The following POU6F2 variants were observed in gnomAD, a reference collection of about 807,000 sequenced individuals.
The protein encoded by POU6F2 is POU domain, class 6, transcription factor 2.
POU6F2 carries 31 observed loss-of-function variants against 71.3 expected under a neutral mutation model. The observed-to-expected ratio is 0.43, with a 90% CI of 0.33 to 0.59. The LOEUF is 0.59. Ranked by LOEUF, POU6F2 falls within the 20% of genes least tolerant of loss-of-function variation. The probability of loss-of-function intolerance (pLI) is 0.04; values close to 1 mark genes in which losing one functional copy is unlikely to be tolerated. For missense variants in POU6F2, 783 were observed against 856.8 expected (o/e 0.91, Z 1.07); for synonymous variants, 347 against 355.7 (o/e 0.98, Z 0.27).
At chr7:39,246,569 T>A (rs1783824687) in intron 4 of POU6F2, among the ~76,000 whole-genome samples, 1 of 152,140 alleles carries the variant, frequency 6.6e-6, no homozygotes, top group African/African-American at 2.4e-5. Context: ...GTGTGAGCCT[T>A]GACTCCTGTA....
At chr7:39,016,494 T>G (rs2128705616) in intron 1 of POU6F2, among the ~76,000 whole-genome samples, 1 of 151,742 alleles carries the variant, frequency 6.6e-6, no homozygotes, top group East Asian at 1.9e-4. Context: ...GATGGTAAAA[T>G]AAAAGCTGTA....
chr7:39,085,681 C>T, intron 1 of POU6F2, 179 bp from the exon 2 acceptor site: 1 of 622,218 alleles, frequency 1.6e-6, no homozygotes, highest in Non-Finnish European at 2.8e-6. Flanking sequence ...TGTAATAGCT[C>T]TTCACTTGAC....
intron 2 of POU6F2, among the ~76,000 whole-genome samples, chr7:39,104,721 G>T (rs1791641418): frequency 6.6e-6 from 1 of 152,214 alleles, no homozygotes; most frequent in Non-Finnish European, 1.5e-5. Context: ...CTCTACTTTT[G>T]ATAAGTGTCA....
chr7:39,015,908 T>TTATATATTGTATATAGA (rs1562670899), intron 1 of POU6F2, among the ~76,000 whole-genome samples: 1 of 46,226 alleles, frequency 2.2e-5, no homozygotes, highest in Non-Finnish European at 3.7e-5. Context: ...TAGATATATA[T>TTATATATTGTATATAGA]TATATATTAT....
In POU6F2 at chr7:39,228,423, C is replaced by T. The variant is rs10266285; in HGVS notation, c.598+20803C>T. Among the ~76,000 whole-genome samples the T allele has an allele frequency of 2.8e-3, 429 of 152,302 alleles. 1 individual carries two copies. Among genetic ancestry groups the T allele is most frequent in the African/African-American group, 9.7e-3 (402 of 41,554 alleles). ...GCCCTCCCACCAAAACGTCCTCTAACGTCAAAACCCAAGGCTGTAGCTGTG... is the reference window on the plus strand; with the variant it reads ...GCCCTCCCACCAAAACGTCCTCTAATGTCAAAACCCAAGGCTGTAGCTGTG... On this transcript the variant is annotated intron_variant, in intron 4 of 9. Coordinates refer to ENST00000518318, the MANE Select transcript of POU6F2 (RefSeq NM_001370959.1).
intron 1 of POU6F2, among the ~76,000 whole-genome samples, chr7:39,008,661 A>G (rs1789163170): frequency 6.6e-6 from 1 of 150,570 alleles, no homozygotes; most frequent in Non-Finnish European, 1.5e-5. Context: ...TTTAGGTCTA[A>G]CGTTTAAGTC....
At chr7:39,275,707 T>G (rs1283628339) in intron 4 of POU6F2, among the ~76,000 whole-genome samples, 4 of 152,162 alleles carry the variant, frequency 2.6e-5, no homozygotes, top group Admixed American at 6.5e-5. Context: ...AACAGACATA[T>G]AGATCAATGG....
chr7:39,187,472 C>T (rs1173990098), intron 2 of POU6F2, among the ~76,000 whole-genome samples: 1 of 152,218 alleles, frequency 6.6e-6, no homozygotes, highest in African/African-American at 2.4e-5. Flanking sequence ...TTACTGCCAT[C>T]AGAGGGTAGG....
chr7:39,164,002 G>A (rs779733565), intron 2 of POU6F2, among the ~76,000 whole-genome samples: 2 of 152,102 alleles, frequency 1.3e-5, no homozygotes, highest in African/African-American at 2.4e-5. Flanking sequence ...GGCAGGAGAA[G>A]TAAGTTCAAG....
At chr7:39,146,698 G>A (rs564746633) in intron 2 of POU6F2, among the ~76,000 whole-genome samples, 1 of 152,292 alleles carries the variant, frequency 6.6e-6, no homozygotes, top group Admixed American at 6.5e-5. Flanking sequence ...GGTTTCTTCA[G>A]TGAAGGTGAT....
chr7:39,038,991 C>T (rs753081733), intron 1 of POU6F2, among the ~76,000 whole-genome samples: 59 of 151,494 alleles, frequency 3.9e-4, no homozygotes, highest in Non-Finnish European at 7.8e-4. Flanking sequence ...CTCTTAGTTC[C>T]CAGGGAATAG....
In POU6F2 at chr7:39,430,048, G is replaced by A. The variant is rs79952365; in HGVS notation, c.1114-3029G>A. 5.9e-3 allele frequency among the ~76,000 whole-genome samples: 897 copies of A among 152,236 alleles called. 4 individuals carry two copies. The highest frequency in any genetic ancestry group is 0.02 in the African/African-American group (845 of 41,532). On this transcript the variant is annotated intron_variant, in intron 6 of 9. Transcript: ENST00000518318. ...AGGAGTTCTGATTAGATCTGTGGCC[G>A]TGCTAAAAGGAATCAGAGCCAGCAT...
chr7:39,215,947 AG>A (rs1346036525), intron 4 of POU6F2, among the ~76,000 whole-genome samples: 2 of 152,218 alleles, frequency 1.3e-5, no homozygotes, highest in Non-Finnish European at 2.9e-5. Context: ...TTCACCTTCT[AG>A]GATCCAGGCA....
At chr7:39,088,708 A>G (rs1006788542) in intron 2 of POU6F2, among the ~76,000 whole-genome samples, 3 of 152,196 alleles carry the variant, frequency 2.0e-5, no homozygotes, top group Non-Finnish European at 2.9e-5. Context: ...GTTTAGTTTC[A>G]TGGAGAGACA....
chr7:39,377,571 G>T (rs1391358218), intron 5 of POU6F2, among the ~76,000 whole-genome samples: 1 of 152,210 alleles, frequency 6.6e-6, no homozygotes, highest in East Asian at 1.9e-4. Flanking sequence ...GGCGTTGACA[G>T]CTTTACAGGA....
At chr7:39,124,567 A>G (rs1361171661) in intron 2 of POU6F2, among the ~76,000 whole-genome samples, 4 of 152,204 alleles carry the variant, frequency 2.6e-5, no homozygotes, top group Non-Finnish European at 5.9e-5. Flanking sequence ...TGAAGAGTTT[A>G]ATTATATTAT....
At chr7:39,039,173 A>T (rs1443081076) in intron 1 of POU6F2, among the ~76,000 whole-genome samples, 1 of 151,874 alleles carries the variant, frequency 6.6e-6, no homozygotes, top group Non-Finnish European at 1.5e-5. Context: ...ATTACTCTCT[A>T]TCTGATTTTC....
At chr7:39,458,598 G>A (rs1788862012) in intron 8 of POU6F2, among the ~76,000 whole-genome samples, 1 of 152,122 alleles carries the variant, frequency 6.6e-6, no homozygotes, top group South Asian at 2.1e-4. Flanking sequence ...GCCTCCACTA[G>A]GGACGGCCCG....
At chr7:39,277,928 G>C (rs187344133) in intron 4 of POU6F2, among the ~76,000 whole-genome samples, 1 of 152,040 alleles carries the variant, frequency 6.6e-6, no homozygotes, top group Non-Finnish European at 1.5e-5. Context: ...GTGGTGGCAC[G>C]CGCCTGTAGT....
Sources: gnomAD v4.1 joint callset for allele counts (sites outside exome capture counted in the v4.1 genomes callset) on GRCh38, gnomAD v4.1.1 for gene constraint, MANE v1.5 for transcripts, NCBI Gene and HGNC (gene_info 2026-07-23, HGNC 2026-07-21) for gene names.